BBS9: variants seen among roughly 807,000 people sequenced by gnomAD.
BBS9 encodes protein PTHB1.
BBS9 carries 89 observed loss-of-function variants against 117.7 expected under a neutral mutation model. That is an observed-to-expected ratio of 0.76 (90% CI 0.64 to 0.90). The LOEUF (loss-of-function observed/expected upper bound fraction) is 0.90. BBS9 is among the 40% of genes least tolerant of loss of function. BBS9 has a pLI of 0.00. For synonymous variants in BBS9, 379 were observed against 370.9 expected, an observed-to-expected ratio of 1.02 and a Z score of -0.25; for missense variants, 982 against 1,042.2, an observed-to-expected ratio of 0.94 and a Z score of 0.80.
At chr7:33,390,194 G>T (rs75884882) in intron 19 of BBS9, 2 of 961,194 alleles carry the variant, frequency 2.1e-6, no homozygotes, top group Non-Finnish European at 2.5e-6. Flanking sequence ...GAGGCTGAAG[G>T]TATGGTCAAC....
At chr7:33,499,534 G>A (rs1393245040) in intron 19 of BBS9, among the ~76,000 whole-genome samples, 3 of 152,182 alleles carry the variant, frequency 2.0e-5, no homozygotes, top group African/African-American at 7.2e-5. Flanking sequence ...ATAAATTTCA[G>A]GTATTGGGAG....
At chr7:33,156,755 G>A (rs1463405834) in intron 4 of BBS9, among the ~76,000 whole-genome samples, 2 of 152,144 alleles carry the variant, frequency 1.3e-5, no homozygotes, top group East Asian at 1.9e-4. Context: ...TTCTGTTTTC[G>A]TCCCCTTCTC....
intron 9 of BBS9, among the ~76,000 whole-genome samples, chr7:33,292,657 A>G (rs970900225): frequency 1.3e-5 from 2 of 152,202 alleles, no homozygotes; most frequent in African/African-American, 4.8e-5. Context: ...AACTTATTGT[A>G]TGCATAAATA....
At chr7:33,243,267 T>C (rs1794829468) in intron 5 of BBS9, among the ~76,000 whole-genome samples, 1 of 152,214 alleles carries the variant, frequency 6.6e-6, no homozygotes, top group South Asian at 2.1e-4. Context: ...AGTTAACTTT[T>C]AGAGCATAGA....
rs770586723 is a variant in BBS9 at position 33,534,009 on chromosome 7, C to G, written c.2354C>G (p.Ser785Trp). 2 of 1,614,172 alleles carry G rather than the reference C, an allele frequency of 1.2e-6. No individual in the cohort carries two copies. The highest frequency in any genetic ancestry group is 1.1e-5 in the South Asian group (1 of 91,074). ...AISHLLKTCL[S>W]KSSKEQALNL... Reference sequence around the variant, plus strand: ...TCCCACCTGTTGAAGACTTGCCTGTCGAAGAGTTCTAAGGAGCAGGCTTTG... The same window carrying G: ...TCCCACCTGTTGAAGACTTGCCTGTGGAAGAGTTCTAAGGAGCAGGCTTTG... Residue 785 changes from serine (S) to tryptophan (W), a missense_variant, in exon 21 of 23, where the codon TCG becomes TGG. Transcript: ENST00000242067.
At chr7:33,242,253 G>A (rs1794651609) in intron 5 of BBS9, among the ~76,000 whole-genome samples, 2 of 151,406 alleles carry the variant, frequency 1.3e-5, no homozygotes, top group Non-Finnish European at 2.9e-5. Flanking sequence ...ACTTTATTTT[G>A]CTTTCTCCTG....
intron 19 of BBS9, among the ~76,000 whole-genome samples, chr7:33,464,723 T>C (rs1839921517): frequency 6.6e-6 from 1 of 151,966 alleles, no homozygotes; most frequent in Non-Finnish European, 1.5e-5. Flanking sequence ...ATAAAGCACA[T>C]TTATCAGTTA....
chr7:33,160,933 T>A (rs565447614), intron 4 of BBS9, among the ~76,000 whole-genome samples: 78 of 152,130 alleles, frequency 5.1e-4, no homozygotes, highest in Non-Finnish European at 9.1e-4. Context: ...ATGGGAAAGC[T>A]TTTATACAAC....
chr7:33,462,086 G>A (rs1201781387), intron 19 of BBS9, among the ~76,000 whole-genome samples: 1 of 151,976 alleles, frequency 6.6e-6, no homozygotes, highest in African/African-American at 2.4e-5. Context: ...GGAACACTAG[G>A]TTAATTATTA....
At chr7:33,536,385 T>G (rs1462470325) in intron 21 of BBS9, among the ~76,000 whole-genome samples, 1 of 152,248 alleles carries the variant, frequency 6.6e-6, no homozygotes, top group Non-Finnish European at 1.5e-5. Flanking sequence ...TGCTTAATTA[T>G]TGCCTATACT....
intron 9 of BBS9, among the ~76,000 whole-genome samples, chr7:33,274,861 G>A (rs541857992): frequency 5.9e-5 from 9 of 151,990 alleles, no homozygotes; most frequent in Admixed American, 2.6e-4. Flanking sequence ...CAGGTGTGGC[G>A]GCGTGTGCAT....
At chr7:33,611,776 A>G (rs921669171) in intron 21 of BBS9, among the ~76,000 whole-genome samples, 5 of 139,654 alleles carry the variant, frequency 3.6e-5, no homozygotes, top group African/African-American at 1.3e-4. Context: ...ATATTATTAT[A>G]TAATAATATT....
chr7:33,621,071 A>T (rs1442344405), intron 21 of BBS9, among the ~76,000 whole-genome samples: 1 of 152,206 alleles, frequency 6.6e-6, no homozygotes, highest in Admixed American at 6.5e-5. Flanking sequence ...ACAAAAATGA[A>T]TGAAAAAAGA....
At chr7:33,612,182 T>C (rs1038189385) in intron 21 of BBS9, among the ~76,000 whole-genome samples, 3 of 151,990 alleles carry the variant, frequency 2.0e-5, no homozygotes, top group Non-Finnish European at 1.5e-5. Flanking sequence ...ACTAAGTCTT[T>C]TGGGATAAAA....
intron 21 of BBS9, among the ~76,000 whole-genome samples, chr7:33,589,079 A>C (rs1298812316): frequency 1.3e-5 from 2 of 152,142 alleles, no homozygotes; most frequent in African/African-American, 4.8e-5. Flanking sequence ...AGAGGTAAAA[A>C]TGGGCAGTCC....
intron 21 of BBS9, among the ~76,000 whole-genome samples, chr7:33,611,250 A>T (rs1380137160): frequency 6.6e-6 from 1 of 151,896 alleles, no homozygotes; most frequent in East Asian, 1.9e-4. Flanking sequence ...CAGGCCTCCC[A>T]AAAGAACATT....
chr7:33,612,143 T>A lies in BBS9; in HGVS notation c.2522-23034T>A, dbSNP rs1244388569. ...GGAAATTACTTTAGATCTCTAGTCG[T>A]TAAGTGAGGAAACTGAAGCTTTTAT... On this transcript the variant is annotated intron_variant, in intron 21 of 21. Transcript: ENST00000671952. Among the ~76,000 whole-genome samples the A allele has an allele frequency of 6.3e-5, 4 of 63,468 alleles. No homozygotes were observed. In the African/African-American group the frequency reaches 2.0e-3, roughly 31 times the overall value. 41.6% of individuals were successfully genotyped at this position (63,468 alleles called of 152,430 possible).
intron 1 of BBS9, among the ~76,000 whole-genome samples, chr7:33,131,895 CTTG>C (rs767256657): frequency 5.3e-5 from 8 of 152,110 alleles, no homozygotes; most frequent in East Asian, 1.9e-4. Flanking sequence ...TCTGAGTAAA[CTTG>C]TTGTAGAAAA....
intron 21 of BBS9, among the ~76,000 whole-genome samples, chr7:33,630,940 A>G (rs1487878062): frequency 6.6e-6 from 1 of 152,138 alleles, no homozygotes; most frequent in Non-Finnish European, 1.5e-5. Context: ...CCCTCATGGG[A>G]TTACAGCCAA....
Sources: gnomAD v4.1 joint callset for allele counts (sites outside exome capture counted in the v4.1 genomes callset) on GRCh38, gnomAD v4.1.1 for gene constraint, MANE v1.5 for transcripts, NCBI Gene and HGNC (gene_info 2026-07-23, HGNC 2026-07-21) for gene names.